CPNE9: variants seen among roughly 807,000 people sequenced by gnomAD.
CPNE9 encodes the protein copine-9.
Under a neutral mutation model 83.0 loss-of-function variants are expected in CPNE9, and 59 were observed. That is an observed-to-expected ratio of 0.71 (90% CI 0.58 to 0.88). The LOEUF (loss-of-function observed/expected upper bound fraction) is 0.88. CPNE9 is among the 40% of genes least tolerant of loss of function. CPNE9 has a pLI of 0.00. For synonymous variants in CPNE9, 256 were observed against 273.4 expected (o/e 0.94, Z 0.63); for missense variants, 619 against 720.8 (o/e 0.86, Z 1.62).
At position 9,704,818 on chromosome 3, in the gene CPNE9, G is replaced by A. The variant is rs199691130; in HGVS notation, c.156+23G>A. ...GAGGTGAGTCCCAGAGCCCCCTCCCGGCCCAGGGCGTCGCCCGGGAATTCC... is the reference window on the plus strand; with the variant it reads ...GAGGTGAGTCCCAGAGCCCCCTCCCAGCCCAGGGCGTCGCCCGGGAATTCC... On this transcript the variant is annotated intron_variant, in intron 3 of 20. Transcript: ENST00000383832. The surrounding 1 kb of genome is among the most constrained non-coding windows in gnomAD (Gnocchi z 7.1). 1.3e-4 allele frequency: 205 copies of A among 1,597,542 alleles called. No homozygotes were observed. Among genetic ancestry groups the A allele is most frequent in the Admixed American group, 2.1e-4 (12 of 57,974 alleles).
chr3:9,718,359 G>A (rs1269909920), intron 16 of CPNE9, 116 bp from the exon 17 acceptor site: 1 of 1,450,906 alleles, frequency 6.9e-7, no homozygotes, highest in Non-Finnish European at 9.4e-7. Context: ...AGCAGGGCTG[G>A]GTTTGGAGGG....
intron 19 of CPNE9, 112 bp from the exon 20 acceptor site, chr3:9,727,001 T>C (rs1176480813): frequency 1.8e-6 from 2 of 1,104,608 alleles, no homozygotes; most frequent in Non-Finnish European, 2.7e-6. Context: ...TAGGACTTGA[T>C]CACAAGCATT....
chr3:9,704,506 C>T lies in CPNE9; in HGVS notation c.69-81C>T. On this transcript the variant is annotated intron_variant, in intron 1 of 20. Transcript: ENST00000383832. This position sits in a 1 kb window ranked among gnomAD's most constrained non-coding sequence, Gnocchi z 7.1. ...GGTTCGATGCGGGCCCCATGCCTCTCCTCAGTGCCCGGCTCAGAGCCGACT... is the reference window on the plus strand; with the variant it reads ...GGTTCGATGCGGGCCCCATGCCTCTTCTCAGTGCCCGGCTCAGAGCCGACT... The T allele has an allele frequency of 2.4e-6, 3 of 1,238,102 alleles. No individual in the cohort carries two copies. The highest frequency in any genetic ancestry group is 3.6e-6 in the Non-Finnish European group (3 of 836,952). 76.7% of individuals were successfully genotyped at this position (1,238,102 alleles called of 1,614,324 possible).
Position 9,729,506 on chromosome 3 carries a change from G to T in CPNE9, c.1477-1G>T, listed in dbSNP as rs774773648. The T allele has an allele frequency of 1.2e-6, 2 of 1,610,570 alleles. No individual in the cohort carries two copies. The highest frequency in any genetic ancestry group is 1.7e-6 in the Non-Finnish European group (2 of 1,177,250). ...TCTCTTCTTGTCTGTGCCTGACCCA[G>T]TTCGTCCCATTCCGAGACTATGTTG... On this transcript the variant is annotated splice_acceptor_variant, in intron 20 of 20. Transcript: ENST00000383832. LOFTEE classifies it high-confidence loss of function.
chr3:9,721,341 A>G (rs2076732110), intron 17 of CPNE9, among the ~76,000 whole-genome samples: 1 of 152,222 alleles, frequency 6.6e-6, no homozygotes, highest in South Asian at 2.1e-4. Flanking sequence ...ATGTCTTTGA[A>G]GTTTCCGTAT....
In CPNE9 at chr3:9,704,330, C is replaced by T. The variant is rs545065344; in HGVS notation, c.69-257C>T. ...AGCTCGGCCCCAGGAGGACAAAGTT[C>T]TGGGGCGAGCCCTCTTTCCTGGGCC... On this transcript the variant is annotated intron_variant, in intron 1 of 20. Coordinates refer to ENST00000383832, the MANE Select transcript of CPNE9 (RefSeq NM_153635.3). This position sits in a 1 kb window ranked among gnomAD's most constrained non-coding sequence, Gnocchi z 7.1. Among the ~76,000 whole-genome samples, 123 of 152,342 alleles carry T rather than the reference C, an allele frequency of 8.1e-4. 1 individual carries two copies. In the Middle Eastern group the frequency reaches 0.014, roughly 17 times the overall value.
chr3:9,719,583 G>A (rs1008314732), intron 17 of CPNE9, among the ~76,000 whole-genome samples: 13 of 152,162 alleles, frequency 8.5e-5, no homozygotes, highest in African/African-American at 2.9e-4. Context: ...GTTATTGCAA[G>A]GTTAAAATTA....
At chr3:9,728,349 C>T (rs1015439904) in intron 20 of CPNE9, among the ~76,000 whole-genome samples, 4 of 152,092 alleles carry the variant, frequency 2.6e-5, no homozygotes, top group Non-Finnish European at 4.4e-5. Context: ...AAAGGCCGGG[C>T]GCGGTGGCTC....
chr3:9,723,725 G>A (rs773383404), intron 17 of CPNE9, among the ~76,000 whole-genome samples: 4 of 151,784 alleles, frequency 2.6e-5, no homozygotes, highest in Non-Finnish European at 5.9e-5. Flanking sequence ...AAATTTTTTC[G>A]TAGAGACCAG....
At chr3:9,713,193 A>C in intron 10 of CPNE9, 114 bp downstream of exon 10, 2 of 795,764 alleles carry the variant, frequency 2.5e-6, no homozygotes, top group Non-Finnish European at 4.0e-6. Context: ...CTGCTCAGTG[A>C]GACAGAGTTT....
chr3:9,725,661 T>TAC (rs1290895046), intron 17 of CPNE9, among the ~76,000 whole-genome samples: 14 of 59,812 alleles, frequency 2.3e-4, no homozygotes, highest in Admixed American at 1.0e-3. Flanking sequence ...TATGTGTATA[T>TAC]ATGTATATAT....
At chr3:9,720,784 C>T (rs2076727023) in intron 17 of CPNE9, among the ~76,000 whole-genome samples, 1 of 151,988 alleles carries the variant, frequency 6.6e-6, no homozygotes, top group Non-Finnish European at 1.5e-5. Flanking sequence ...AAAATTTATT[C>T]ATTCATTTAG....
intron 17 of CPNE9, among the ~76,000 whole-genome samples, chr3:9,723,810 C>T (rs2076753325): frequency 1.3e-5 from 2 of 152,230 alleles, no homozygotes; most frequent in South Asian, 4.1e-4. Flanking sequence ...TCCCAAAGTG[C>T]TTGGATTACA....
At chr3:9,727,331 C>A in intron 20 of CPNE9, 145 bp downstream of exon 20, 5 of 929,202 alleles carry the variant, frequency 5.4e-6, no homozygotes, top group Non-Finnish European at 8.8e-6. Flanking sequence ...TTGAATACAT[C>A]CTTTTTGACA....
Position 9,704,141 on chromosome 3 carries a change from C to A in CPNE9, c.68+77C>A. 2 of 1,412,580 alleles carry A rather than the reference C, an allele frequency of 1.4e-6. No homozygotes were observed. Among genetic ancestry groups the A allele is most frequent in the Non-Finnish European group, 9.8e-7 (1 of 1,025,408 alleles). The allele number at this position is 1,412,580 out of a possible 1,614,324, so 87.5% of individuals were successfully genotyped here. A position where few individuals can be genotyped will look rare whatever the true frequency, so the allele number is the denominator to read the frequency against. ...AGCCAGCCGCGGGGCTCAGCCTGGG[C>A]AGGGGCTAGACCCCCGGGGAGAGGC... is the stretch of plus-strand genomic sequence containing the variant. On this transcript the variant is annotated intron_variant, in intron 1 of 20. Transcript: ENST00000383832. This position sits in a 1 kb window ranked among gnomAD's most constrained non-coding sequence, Gnocchi z 7.1.
At chr3:9,717,688 G>GGATGGATGGACT (rs962023458) in intron 15 of CPNE9, among the ~76,000 whole-genome samples, 1 of 152,054 alleles carries the variant, frequency 6.6e-6, no homozygotes, top group African/African-American at 2.4e-5. Flanking sequence ...ATGGATGGAT[G>GGATGGATGGACT]GATGGACTGA....
In CPNE9 at chr3:9,718,323, T is replaced by A. The variant is rs1575127444; in HGVS notation, c.1113+113T>A. The A allele has an allele frequency of 2.2e-6, 3 of 1,380,372 alleles. No individual in the cohort carries two copies. In the East Asian group the frequency reaches 7.1e-5, roughly 33 times the overall value. The allele number at this position is 1,380,372 out of a possible 1,614,324, so 85.5% of individuals were successfully genotyped here. A position where few individuals can be genotyped will look rare whatever the true frequency, so the allele number is the denominator to read the frequency against. ...GGGCATGTAGAGGAACAGGAAGCTA[T>A]GAGAGGATAGCAGAGCAGGGAGGGG... On this transcript the variant is annotated intron_variant, in intron 16 of 20. Transcript: ENST00000383832.
intron 7 of CPNE9, among the ~76,000 whole-genome samples, chr3:9,709,275 CAA>C (rs551334173): frequency 5.3e-4 from 30 of 56,812 alleles, no homozygotes; most frequent in African/African-American, 1.7e-3. Context: ...GACTCCATCT[CAA>C]AAAAAAAAAA....
chr3:9,708,346 G>GCTCT (rs2076584440), intron 7 of CPNE9, among the ~76,000 whole-genome samples: 1 of 152,172 alleles, frequency 6.6e-6, no homozygotes. Context: ...AGACGAGAGA[G>GCTCT]AGAGAACCAA....
Sources: gnomAD v4.1 joint callset for allele counts (sites outside exome capture counted in the v4.1 genomes callset) on GRCh38, gnomAD v4.1.1 for gene constraint, Gnocchi (gnomAD v3.1) non-coding constraint, MANE v1.5 for transcripts, NCBI Gene and HGNC (gene_info 2026-07-23, HGNC 2026-07-21) for gene names.